The following CAMKMT variants were observed in gnomAD, a reference collection of about 807,000 sequenced individuals.
CAMKMT encodes calmodulin-lysine N-methyltransferase.
In CAMKMT, 53 loss-of-function variants were observed where a neutral mutation model predicts 48.0. The observed-to-expected ratio is 1.10, with a 90% CI of 0.89 to 1.39. The LOEUF (loss-of-function observed/expected upper bound fraction) is 1.39, where lower values mean the gene tolerates loss of function less well. Among genes scored for constraint, CAMKMT ranks in the 40% most tolerant of loss-of-function variants. The pLI, the probability that CAMKMT is intolerant of heterozygous loss-of-function variation, is 0.00. For missense variants in CAMKMT, 428 were observed against 402.7 expected (o/e 1.06, Z -0.54); for synonymous variants, 165 against 152.3 (o/e 1.08, Z -0.61).
intron 3 of CAMKMT, among the ~76,000 whole-genome samples, chr2:44,428,594 CA>C (rs2104529454): frequency 6.6e-6 from 1 of 152,328 alleles, no homozygotes; most frequent in South Asian, 2.1e-4. Flanking sequence ...GCCTCCTGTC[CA>C]TATCAATAGA....
chr2:44,632,720 C>T (rs1297249156), intron 3 of CAMKMT, among the ~76,000 whole-genome samples: 1 of 152,150 alleles, frequency 6.6e-6, no homozygotes, highest in Non-Finnish European at 1.5e-5. Context: ...GGCAGACTCC[C>T]TTTAATCTGG....
At chr2:44,504,024 G>A (rs1264951722) in intron 3 of CAMKMT, among the ~76,000 whole-genome samples, 2 of 147,308 alleles carry the variant, frequency 1.4e-5, no homozygotes, top group Non-Finnish European at 3.0e-5. Flanking sequence ...AAACGGGAAG[G>A]GGGAGAGAGA....
intron 3 of CAMKMT, among the ~76,000 whole-genome samples, chr2:44,677,235 G>C (rs1206379513): frequency 1.3e-5 from 2 of 152,146 alleles, no homozygotes; most frequent in Non-Finnish European, 2.9e-5. Context: ...TTAATGGAGA[G>C]GCAGCATGAG....
At chr2:44,699,351 G>A (rs569771526) in intron 3 of CAMKMT, among the ~76,000 whole-genome samples, 4 of 152,326 alleles carry the variant, frequency 2.6e-5, no homozygotes, top group Non-Finnish European at 5.9e-5. Context: ...TGGATGCTGT[G>A]TTAGCAGGCA....
rs1215236410 is a variant in CAMKMT, at chr2:44,397,765, A to G, written c.376+7460A>G. Among the ~76,000 whole-genome samples the G allele has an allele frequency of 1.3e-4, 20 of 152,194 alleles. No homozygotes were observed. The East Asian group carries it at 3.8e-3, about 29-fold the overall frequency. On this transcript the variant is annotated intron_variant, in intron 3 of 10. Transcript: ENST00000378494. The stretch of plus-strand genomic sequence containing the variant: ...TTTTTAATGTATTTTAAAAATTTCT[A>G]TTTGAAATAAGAAACCACAGAATTG...
At chr2:44,640,761 G>C (rs1013590683) in intron 3 of CAMKMT, among the ~76,000 whole-genome samples, 3 of 152,170 alleles carry the variant, frequency 2.0e-5, no homozygotes, top group Non-Finnish European at 4.4e-5. Context: ...AAAAAGTACT[G>C]TGTGGAGAGC....
At chr2:44,646,110 G>A (rs567701160) in intron 3 of CAMKMT, among the ~76,000 whole-genome samples, 3 of 152,128 alleles carry the variant, frequency 2.0e-5, no homozygotes, top group Non-Finnish European at 2.9e-5. Context: ...AGAGAGCTTC[G>A]TGCTGGTGAA....
chr2:44,671,053 G>A (rs1023551292), intron 3 of CAMKMT, among the ~76,000 whole-genome samples: 1 of 152,094 alleles, frequency 6.6e-6, no homozygotes, highest in Non-Finnish European at 1.5e-5. Context: ...CTGCCTTTTT[G>A]TTCAAAGTTA....
chr2:44,445,645 G>GTT (rs869258613), intron 3 of CAMKMT, among the ~76,000 whole-genome samples: 1 of 101,408 alleles, frequency 9.9e-6, no homozygotes, highest in Admixed American at 1.0e-4. Flanking sequence ...CAAAAGGGTA[G>GTT]TTTTTTTTTT....
chr2:44,481,904 C>T (rs986979688), intron 3 of CAMKMT, among the ~76,000 whole-genome samples: 2 of 151,826 alleles, frequency 1.3e-5, no homozygotes, highest in South Asian at 2.1e-4. Context: ...CATTTAAACC[C>T]GGGTTTTAGA....
chr2:44,466,795 A>G (rs748748728), intron 3 of CAMKMT, among the ~76,000 whole-genome samples: 16 of 152,218 alleles, frequency 1.1e-4, no homozygotes, highest in Non-Finnish European at 2.1e-4. Context: ...CAAGACTCCA[A>G]TAACAAAAAT....
intron 8 of CAMKMT, among the ~76,000 whole-genome samples, chr2:44,745,310 G>A (rs1679872631): frequency 6.6e-6 from 1 of 152,070 alleles, no homozygotes; most frequent in African/African-American, 2.4e-5. Flanking sequence ...CTTGTGTTAT[G>A]GACACTCTCA....
At chr2:44,640,772 A>T (rs962907138) in intron 3 of CAMKMT, among the ~76,000 whole-genome samples, 16 of 152,224 alleles carry the variant, frequency 1.1e-4, no homozygotes, top group African/African-American at 3.9e-4. Context: ...TGTGGAGAGC[A>T]TGCCCTCTGT....
At chr2:44,683,665 A>C (rs938388174) in intron 3 of CAMKMT, among the ~76,000 whole-genome samples, 4 of 152,006 alleles carry the variant, frequency 2.6e-5, no homozygotes, top group African/African-American at 9.7e-5. Flanking sequence ...CTAAAAAAAT[A>C]CAAAAAAATT....
chr2:44,390,094 TG>T, intron 2 of CAMKMT, 146 bp from the exon 3 acceptor site: 1 of 582,762 alleles, frequency 1.7e-6, no homozygotes, highest in Non-Finnish European at 3.0e-6. Flanking sequence ...CTCCCTCTAG[TG>T]GGCAGAAAAT....
chr2:44,378,011 G>A (rs1679868450), intron 2 of CAMKMT, among the ~76,000 whole-genome samples: 1 of 152,180 alleles, frequency 6.6e-6, no homozygotes, highest in South Asian at 2.1e-4. Flanking sequence ...TATAGAGCTT[G>A]GCGAGGCTGG....
At chr2:44,704,151 T>C (rs900306977) in intron 3 of CAMKMT, 132 bp from the exon 4 acceptor site, 15 of 488,916 alleles carry the variant, frequency 3.1e-5, no homozygotes, top group African/African-American at 2.9e-4. Context: ...ACCCGTGACA[T>C]GACATATTAT....
At chr2:44,542,806 A>G (rs1442025786) in intron 3 of CAMKMT, among the ~76,000 whole-genome samples, 1 of 152,086 alleles carries the variant, frequency 6.6e-6, no homozygotes, top group Non-Finnish European at 1.5e-5. Flanking sequence ...CAGAGACCAG[A>G]TAAAAGATCA....
In CAMKMT at chr2:44,772,150, G is replaced by A. The variant is rs1427108608; in HGVS notation, c.*37G>A. ...TCTCAAAGACGAAGAAACGTATCAA[G>A]TGCATAGGGAATATTTTTACAAAAA... On this transcript the variant is annotated 3_prime_UTR_variant, in exon 11 of 11. Coordinates refer to ENST00000378494, the MANE Select transcript of CAMKMT (RefSeq NM_024766.5). The A allele has an allele frequency of 2.0e-6, 3 of 1,537,448 alleles. No homozygotes were observed.
Sources: allele counts gnomAD v4.1 joint callset (sites outside exome capture counted in the v4.1 genomes callset), GRCh38; gene constraint gnomAD v4.1.1; transcripts MANE v1.5; gene names NCBI Gene and HGNC (gene_info 2026-07-23, HGNC 2026-07-21).